Variants in LUZP2 observed in about 807,000 individuals in gnomAD.
LUZP2 encodes leucine zipper protein 2.
LUZP2 carries 52 observed loss-of-function variants against 51.6 expected under a neutral mutation model. That is an observed-to-expected ratio of 1.01 (90% CI 0.81 to 1.27). The LOEUF (loss-of-function observed/expected upper bound fraction) is 1.27, where lower values mean the gene tolerates loss of function less well. Ranked by LOEUF, LUZP2 falls within the 50% of genes most tolerant of loss-of-function variation. LUZP2 has a pLI of 0.00. For synonymous variants in LUZP2, 154 were observed against 137.3 expected (o/e 1.12, Z -0.85); for missense variants, 436 against 395.4 (o/e 1.10, Z -0.87).
At chr11:25,016,853 G>A (rs771680259) in intron 9 of LUZP2, among the ~76,000 whole-genome samples, 2 of 151,948 alleles carry the variant, frequency 1.3e-5, no homozygotes, top group Non-Finnish European at 2.9e-5. Context: ...ATCGTCACAC[G>A]TTTTTCATAG....
chr11:24,930,225 C>T (rs1854405500), intron 7 of LUZP2, among the ~76,000 whole-genome samples: 1 of 152,126 alleles, frequency 6.6e-6, no homozygotes, highest in African/African-American at 2.4e-5. Flanking sequence ...AGGCCATTCA[C>T]ATTCAATGTT....
chr11:24,512,432 T>C (rs1850339846), intron 1 of LUZP2, among the ~76,000 whole-genome samples: 1 of 152,098 alleles, frequency 6.6e-6, no homozygotes, highest in East Asian at 1.9e-4. Flanking sequence ...AAAAAGCAAA[T>C]ATAATAATAC....
At chr11:24,964,360 A>G (rs1264936919) in intron 7 of LUZP2, among the ~76,000 whole-genome samples, 1 of 152,186 alleles carries the variant, frequency 6.6e-6, no homozygotes, top group Non-Finnish European at 1.5e-5. Flanking sequence ...GCATTATTAG[A>G]TAACAGGATG....
chr11:24,529,816 T>A (rs1186847386), intron 1 of LUZP2, among the ~76,000 whole-genome samples: 1 of 150,984 alleles, frequency 6.6e-6, no homozygotes, highest in East Asian at 1.9e-4. Flanking sequence ...ACAAAATCTA[T>A]CAAACATTTT....
intron 5 of LUZP2, among the ~76,000 whole-genome samples, chr11:24,826,036 G>A (rs894136820): frequency 6.6e-6 from 1 of 150,974 alleles, no homozygotes; most frequent in Non-Finnish European, 1.5e-5. Flanking sequence ...AGCTGGGCGC[G>A]GTGGCGGGCG....
chr11:24,810,773 G>A (rs1324332358), intron 5 of LUZP2, among the ~76,000 whole-genome samples: 1 of 152,086 alleles, frequency 6.6e-6, no homozygotes. Flanking sequence ...AGGTCATAAA[G>A]GAAGTAAAGG....
At chr11:24,784,083 T>C (rs182321755) in intron 5 of LUZP2, among the ~76,000 whole-genome samples, 2 of 152,062 alleles carry the variant, frequency 1.3e-5, no homozygotes, top group African/African-American at 4.8e-5. Flanking sequence ...TATTGATGCA[T>C]CCCTTCATGT....
intron 1 of LUZP2, among the ~76,000 whole-genome samples, chr11:24,649,235 A>G (rs997985111): frequency 4.6e-5 from 7 of 152,010 alleles, no homozygotes. Flanking sequence ...AATTTGTCCC[A>G]TAAATGTTGA....
At chr11:24,690,487 C>G (rs990169671) in intron 1 of LUZP2, among the ~76,000 whole-genome samples, 3 of 152,090 alleles carry the variant, frequency 2.0e-5, no homozygotes, top group Non-Finnish European at 4.4e-5. Flanking sequence ...AATGTGTTCA[C>G]ATGTTCTTGG....
chr11:24,517,261 G>A lies in LUZP2; in HGVS notation c.62+19956G>A, dbSNP rs539130044. ...AGCACTTTGGGAGGCCAAGGTGGGC[G>A]GATCATGAGGTCAGGAGATCGAGAC... On this transcript the variant is annotated intron_variant, in intron 1 of 11. Transcript: ENST00000336930. Among the ~76,000 whole-genome samples, 18 of 151,818 alleles carry A rather than the reference G, an allele frequency of 1.2e-4. 1 individual carries two copies. The East Asian group carries it at 2.7e-3, about 23-fold the overall frequency.
intron 5 of LUZP2, among the ~76,000 whole-genome samples, chr11:24,806,904 A>T (rs73442863): frequency 0.017 from 2,523 of 147,684 alleles, 74 homozygotes; most frequent in African/African-American, 0.059. Context: ...AGGATAGGGG[A>T]TGACAAAAAA....
chr11:24,675,696 A>C (rs980526175), intron 1 of LUZP2, among the ~76,000 whole-genome samples: 2 of 152,016 alleles, frequency 1.3e-5, no homozygotes, highest in Non-Finnish European at 2.9e-5. Flanking sequence ...TATTTGAATG[A>C]TACATTCAAG....
intron 5 of LUZP2, among the ~76,000 whole-genome samples, chr11:24,838,529 T>C (rs543503283): frequency 2.6e-5 from 4 of 151,784 alleles, no homozygotes; most frequent in African/African-American, 9.6e-5. Context: ...AAAAACCTCA[T>C]ATATTGTACG....
In LUZP2 at chr11:24,894,895, A is replaced by G. The variant is rs1852986155; in HGVS notation, c.397-11096A>G. ...AAACTTTCAGAAGCAAACAGTCACT[A>G]CAATCAAAATAGTTATTAGACACAT... On this transcript the variant is annotated intron_variant, in intron 5 of 11. Transcript: ENST00000336930. Among the ~76,000 whole-genome samples, 3 of 152,336 alleles carry G rather than the reference A, an allele frequency of 2.0e-5. No individual in the cohort carries two copies. The South Asian group carries it at 6.2e-4, about 32-fold the overall frequency.
chr11:24,552,400 T>G (rs1459784021), intron 1 of LUZP2, among the ~76,000 whole-genome samples: 3 of 151,976 alleles, frequency 2.0e-5, no homozygotes, highest in South Asian at 4.1e-4. Flanking sequence ...ATAACAAACA[T>G]TAAATAAGCA....
intron 5 of LUZP2, among the ~76,000 whole-genome samples, chr11:24,867,307 G>T (rs1303345986): frequency 2.0e-5 from 3 of 152,038 alleles, no homozygotes; most frequent in Non-Finnish European, 4.4e-5. Flanking sequence ...TGACGGTCTG[G>T]GTTAATAGTT....
At chr11:24,603,467 G>A (rs376717170) in intron 1 of LUZP2, among the ~76,000 whole-genome samples, 1 of 151,772 alleles carries the variant, frequency 6.6e-6, no homozygotes, top group Non-Finnish European at 1.5e-5. Context: ...CCAGAAATTT[G>A]ACACAGAAAT....
At chr11:24,658,583 A>C (rs1287484012) in intron 1 of LUZP2, among the ~76,000 whole-genome samples, 4 of 152,188 alleles carry the variant, frequency 2.6e-5, no homozygotes, top group African/African-American at 7.2e-5. Context: ...ATGGGATCTA[A>C]TTAAATAAAG....
At chr11:25,046,314 A>G (rs184995172) in intron 9 of LUZP2, among the ~76,000 whole-genome samples, 3 of 152,198 alleles carry the variant, frequency 2.0e-5, no homozygotes, top group Admixed American at 1.3e-4. Context: ...TTTGAGATAC[A>G]GATCTGTTTC....
Sources: gnomAD v4.1 joint callset for allele counts (sites outside exome capture counted in the v4.1 genomes callset) on GRCh38, gnomAD v4.1.1 for gene constraint, MANE v1.5 for transcripts, NCBI Gene and HGNC (gene_info 2026-07-23, HGNC 2026-07-21) for gene names.